Variants in FUT8 observed in about 807,000 individuals in gnomAD.
The protein encoded by FUT8 is alpha-(1,6)-fucosyltransferase.
Under a neutral mutation model 71.3 loss-of-function variants are expected in FUT8, and 29 were observed. That is an observed-to-expected ratio of 0.41 (90% CI 0.30 to 0.55). The LOEUF is 0.55. Ranked by LOEUF, FUT8 falls within the 20% of genes least tolerant of loss-of-function variation. The pLI is 0.34. For synonymous variants in FUT8, 254 were observed against 239.3 expected (o/e 1.06, Z -0.57); for missense variants, 544 against 702.1 (o/e 0.77, Z 2.55).
At chr14:65,454,384 TG>T (rs2065869144) in intron 1 of FUT8, among the ~76,000 whole-genome samples, 1 of 152,096 alleles carries the variant, frequency 6.6e-6, no homozygotes, top group African/African-American at 2.4e-5. Context: ...CCCGGCACTT[TG>T]GGAGGCTGAG....
chr14:65,502,810 T>G (rs989205907), intron 2 of FUT8, among the ~76,000 whole-genome samples: 5 of 152,316 alleles, frequency 3.3e-5, no homozygotes, highest in Admixed American at 6.5e-5. Context: ...TTCTTCAATT[T>G]TAATGTGTAT....
the FUT8 span, among the ~76,000 whole-genome samples, chr14:65,403,233 A>C: frequency 2.0e-5 from 3 of 152,234 alleles, no homozygotes; most frequent in Non-Finnish European, 4.4e-5. Flanking sequence ...TACTAACAAC[A>C]ACCCTATGAT....
At position 65,600,985 on chromosome 14, in the gene FUT8, C is replaced by T. The variant is rs562379481; in HGVS notation, c.204-14993C>T. Among the ~76,000 whole-genome samples, 101 of 152,158 alleles carry T rather than the reference C, an allele frequency of 6.6e-4. 1 individual carries two copies. Among genetic ancestry groups the T allele is most frequent in the African/African-American group, 2.3e-3 (96 of 41,514 alleles). ...ACACTTGTCAAAGTAAATATGGACA[C>T]GGATTTCCTTGGAGAATTGAGCCAG... On this transcript the variant is annotated intron_variant, in intron 3 of 10. Coordinates refer to ENST00000673929, the MANE Select transcript of FUT8 (RefSeq NM_001371533.1).
intron 7 of FUT8, among the ~76,000 whole-genome samples, chr14:65,683,137 T>C (rs957537433): frequency 6.6e-6 from 1 of 151,714 alleles, no homozygotes; most frequent in Non-Finnish European, 1.5e-5. Context: ...CCTCAGCCTC[T>C]TGAGTAGCTG....
At chr14:65,497,799 G>T (rs1486065148) in intron 2 of FUT8, among the ~76,000 whole-genome samples, 1 of 151,896 alleles carries the variant, frequency 6.6e-6, no homozygotes, top group African/African-American at 2.4e-5. Flanking sequence ...TTGAGACTAT[G>T]AGTAAAATAG....
At chr14:65,499,480 ATATC>A (rs1218569407) in intron 2 of FUT8, among the ~76,000 whole-genome samples, 1 of 152,104 alleles carries the variant, frequency 6.6e-6, no homozygotes, top group Non-Finnish European at 1.5e-5. Flanking sequence ...TTATTAATAA[ATATC>A]TACTTTATAG....
chr14:65,482,320 CTT>C (rs1405711827), intron 2 of FUT8, among the ~76,000 whole-genome samples: 1 of 151,502 alleles, frequency 6.6e-6, no homozygotes, highest in Non-Finnish European at 1.5e-5. Context: ...CCACTGACCT[CTT>C]TGTCTTTCTT....
Position 65,652,710 on chromosome 14 carries a change from G to A in FUT8, c.598-16533G>A, listed in dbSNP as rs922193000. 6.6e-6 allele frequency among the ~76,000 whole-genome samples: 1 copy of A among 152,078 alleles called. No homozygotes were observed. Among genetic ancestry groups the A allele is most frequent in the Non-Finnish European group, 1.5e-5 (1 of 68,012 alleles). ...CACAAGCCAGGTGCCTGACACAATGGGGGTCAATATGTATTTATTGGATAA... is the reference window on the plus strand; with the variant it reads ...CACAAGCCAGGTGCCTGACACAATGAGGGTCAATATGTATTTATTGGATAA... On this transcript the variant is annotated intron_variant, in intron 6 of 10. Coordinates refer to ENST00000673929, the MANE Select transcript of FUT8 (RefSeq NM_001371533.1). The surrounding 1 kb of genome is among the most constrained non-coding windows in gnomAD (Gnocchi z 4.0).
At chr14:65,363,652 C>T in the FUT8 span, among the ~76,000 whole-genome samples, 1 of 152,186 alleles carries the variant, frequency 6.6e-6, no homozygotes, top group Non-Finnish European at 1.5e-5. Context: ...ATCCTTGCCT[C>T]TAAAGACAAA....
chr14:65,398,807 G>T, the FUT8 span, among the ~76,000 whole-genome samples: 1 of 151,946 alleles, frequency 6.6e-6, no homozygotes, highest in Admixed American at 6.6e-5. Flanking sequence ...AAATGTTCTT[G>T]TTTCATCTGC....
intron 2 of FUT8, among the ~76,000 whole-genome samples, chr14:65,516,916 C>T (rs1033782019): frequency 6.6e-6 from 1 of 151,022 alleles, no homozygotes; most frequent in South Asian, 2.1e-4. Flanking sequence ...TACTTTCTCT[C>T]TCTCTGATTT....
Position 65,561,320 on chromosome 14 carries a change from T to C in FUT8, c.-227-17T>C, listed in dbSNP as rs920259410. On this transcript the variant is annotated splice_polypyrimidine_tract_variant and intron_variant, in intron 2 of 10. Transcript: ENST00000673929. ...ATACCTTAAATAATTTAAATACATT[T>C]CTTACTCTTTCCACAGCATGTAGAG... 1.5e-5 allele frequency: 7 copies of C among 464,458 alleles called. No homozygotes were observed. The highest frequency in any genetic ancestry group is 2.3e-5 in the Non-Finnish European group (6 of 259,268). The allele number at this position is 464,458 out of a possible 1,614,324, so 28.8% of individuals were successfully genotyped here.
rs185114623 is a variant in FUT8, at chr14:65,633,754, G to A, written c.597+4148G>A. Among the ~76,000 whole-genome samples, 861 of 150,756 alleles carry A rather than the reference G, an allele frequency of 5.7e-3. 31 individuals are homozygous for A. In the East Asian group the frequency reaches 0.093, roughly 16 times the overall value. ...AGACCCTCTGCCAGGCAGCCGCCCC[G>A]TCTGAGAAGTGAGGAGCCCCTCCGC... On this transcript the variant is annotated intron_variant, in intron 6 of 10. Coordinates refer to ENST00000673929, the MANE Select transcript of FUT8 (RefSeq NM_001371533.1).
the FUT8 span, among the ~76,000 whole-genome samples, chr14:65,371,373 A>G: frequency 5.6e-4 from 85 of 152,370 alleles, no homozygotes; most frequent in African/African-American, 2.0e-3. Flanking sequence ...AAATTAGGAA[A>G]TTAACGTTGA....
intron 2 of FUT8, among the ~76,000 whole-genome samples, chr14:65,534,555 T>C (rs998615598): frequency 3.3e-5 from 5 of 150,456 alleles, no homozygotes; most frequent in East Asian, 3.9e-4. Flanking sequence ...TTTTCTTTTT[T>C]TTTTTTTTTT....
chr14:65,364,173 G>T, the FUT8 span, among the ~76,000 whole-genome samples: 1 of 150,882 alleles, frequency 6.6e-6, no homozygotes, highest in East Asian at 2.0e-4. Context: ...GTTTAAAATA[G>T]GAGTAAAATG....
intron 9 of FUT8, among the ~76,000 whole-genome samples, chr14:65,725,597 TC>T (rs1398628147): frequency 6.6e-6 from 1 of 152,212 alleles, no homozygotes; most frequent in Non-Finnish European, 1.5e-5. Flanking sequence ...TGGCCTGTGT[TC>T]CCCACTCTGT....
chr14:65,640,809 A>G (rs1193687838), intron 6 of FUT8, among the ~76,000 whole-genome samples: 1 of 152,184 alleles, frequency 6.6e-6, no homozygotes, highest in East Asian at 1.9e-4. Flanking sequence ...AGTGCCTAGC[A>G]TAATTATAAA....
chr14:65,528,751 C>T (rs1374192333), intron 2 of FUT8: 1 of 152,106 alleles, frequency 6.6e-6, no homozygotes, highest in Non-Finnish European at 1.5e-5. Flanking sequence ...TTCTGTATGA[C>T]AATGAAGCCA....
Sources: allele counts gnomAD v4.1 joint callset (sites outside exome capture counted in the v4.1 genomes callset), GRCh38; gene constraint gnomAD v4.1.1; non-coding constraint Gnocchi (gnomAD v3.1); transcripts MANE v1.5; gene names NCBI Gene and HGNC (gene_info 2026-07-23, HGNC 2026-07-21).